FAM200B: variants seen among roughly 807,000 people sequenced by gnomAD.
FAM200B encodes the protein protein FAM200B.
Under a neutral mutation model 33.1 loss-of-function variants are expected in FAM200B, and 32 were observed. The observed-to-expected ratio is 0.97, with a 90% CI of 0.73 to 1.30. The LOEUF is 1.30. FAM200B is among the 50% of genes most tolerant of loss of function. The pLI is 0.00. For missense variants in FAM200B, 741 were observed against 754.0 expected (o/e 0.98, Z 0.20); for synonymous variants, 240 against 264.8 (o/e 0.91, Z 0.91).
the FAM200B span, chr4:15,640,895 A>T: frequency 6.7e-6 from 9 of 1,344,872 alleles, no homozygotes; most frequent in African/African-American, 1.2e-4. Context: ...TGGAAACCAA[A>T]AAAAAAATAC....
At chr4:15,646,550 T>A in the FAM200B span, among the ~76,000 whole-genome samples, 3 of 151,888 alleles carry the variant, frequency 2.0e-5, no homozygotes, top group African/African-American at 2.4e-5. Context: ...TATTTTTTAT[T>A]ATTATTATTA....
the FAM200B span, chr4:15,644,410 AT>A: frequency 1.8e-6 from 2 of 1,113,870 alleles, no homozygotes; most frequent in Non-Finnish European, 2.7e-6. Flanking sequence ...ATCATTTACT[AT>A]AAAACAGTGA....
At chr4:15,650,139 G>A in the FAM200B span, among the ~76,000 whole-genome samples, 1 of 152,154 alleles carries the variant, frequency 6.6e-6, no homozygotes, top group Non-Finnish European at 1.5e-5. Flanking sequence ...ATGTACTACT[G>A]ACACCTAGTG....
the FAM200B span, among the ~76,000 whole-genome samples, chr4:15,654,255 G>A: frequency 1.3e-5 from 2 of 152,186 alleles, no homozygotes; most frequent in Admixed American, 6.5e-5. Flanking sequence ...GCTTTATTTA[G>A]TTGGATCATT....
rs1306017465 is a variant in FAM200B at position 15,688,031 on chromosome 4, G to A, written c.1054G>A (p.Val352Ile). Reference sequence around the variant, plus strand: ...GGAGGTATTGAAAAATGCAGTGAAAGTTGTTAATTTTATTAAAGGAAGCTC... The same window carrying A: ...GGAGGTATTGAAAAATGCAGTGAAAATTGTTAATTTTATTAAAGGAAGCTC... Reference protein sequence around the residue: ...LMEVLKNAVKVVNFIKGSSLN... With the variant: ...LMEVLKNAVKIVNFIKGSSLN... Residue 352 changes from valine (V) to isoleucine (I), a missense_variant, in exon 2 of 2, where the codon GTT becomes ATT. Val to Ile is a conservative substitution (Grantham distance 29). Transcript: ENST00000422728. 1.3e-6 allele frequency: 2 copies of A among 1,551,102 alleles called. No individual in the cohort carries two copies. The highest frequency in any genetic ancestry group is 1.7e-6 in the Non-Finnish European group (2 of 1,146,644).
At chr4:15,674,908 C>CA in the FAM200B span, among the ~76,000 whole-genome samples, 1 of 152,146 alleles carries the variant, frequency 6.6e-6, no homozygotes, top group African/African-American at 2.4e-5. Context: ...CTCGGCCTCC[C>CA]AAAGTGCTGG....
chr4:15,664,657 A>C, the FAM200B span, among the ~76,000 whole-genome samples: 1 of 145,528 alleles, frequency 6.9e-6, no homozygotes, highest in Non-Finnish European at 1.5e-5. Context: ...TCCCGGGTTC[A>C]AGCAATTCTC....
At chr4:15,642,055 T>C in the FAM200B span, among the ~76,000 whole-genome samples, 3 of 151,654 alleles carry the variant, frequency 2.0e-5, no homozygotes, top group South Asian at 6.3e-4. Flanking sequence ...AATTATTTGA[T>C]GTAAGGTCAT....
upstream of FAM200B, among the ~76,000 whole-genome samples, chr4:15,679,528 T>C (rs1302913879): frequency 2.0e-5 from 3 of 146,896 alleles, no homozygotes; most frequent in Non-Finnish European, 4.5e-5. Flanking sequence ...CTTGAATCTA[T>C]CTAGAGAAAT....
chr4:15,648,308 T>G, the FAM200B span, among the ~76,000 whole-genome samples: 1 of 152,338 alleles, frequency 6.6e-6, no homozygotes, highest in Admixed American at 6.5e-5. Flanking sequence ...ACAGCCATTA[T>G]GGAAAACAGT....
At chr4:15,644,610 T>A in the FAM200B span, 7 of 1,614,164 alleles carry the variant, frequency 4.3e-6, no homozygotes, top group Non-Finnish European at 5.9e-6. Context: ...TGTATTCATT[T>A]TCAATCTGCT....
At position 15,686,758 on chromosome 4, in the gene FAM200B, G is replaced by A. The variant is rs558908957; in HGVS notation, c.-220G>A. The A allele has an allele frequency of 3.2e-5, 10 of 312,258 alleles. No individual in the cohort carries two copies. Among genetic ancestry groups the A allele is most frequent in the African/African-American group, 1.9e-4 (9 of 46,470 alleles). 19.3% of individuals were successfully genotyped at this position (312,258 alleles called of 1,614,324 possible). On this transcript the variant is annotated 5_prime_UTR_variant, in exon 2 of 2. Transcript: ENST00000422728. ...GGTTTTCAGTCATTGATTCCTGGGT[G>A]TCTTGCTTGATTTTCATAATAGCAC...
chr4:15,650,278 A>G, the FAM200B span, among the ~76,000 whole-genome samples: 3 of 152,244 alleles, frequency 2.0e-5, no homozygotes, highest in African/African-American at 7.2e-5. Flanking sequence ...ACTGTTTTTC[A>G]AATACTGTTA....
rs1719037474 is a variant in FAM200B at position 15,687,919 on chromosome 4, A to G, written c.942A>G (p.Leu314=). ...GKHSRVIKKL[L]EVTNNGAVWN... ...ATAGCAGAGTAATTAAAAAATTACT[A>G]GAAGTTACTAATAATGGTGCTGTGT... Residue 314 remains leucine (L), a synonymous_variant, in exon 2 of 2, where the codon CTA becomes CTG. Transcript: ENST00000422728. 6.5e-7 allele frequency: 1 copy of G among 1,550,222 alleles called. No individual in the cohort carries two copies. Among genetic ancestry groups the G allele is most frequent in the East Asian group, 2.4e-5 (1 of 40,872 alleles).
At chr4:15,654,857 G>A in the FAM200B span, among the ~76,000 whole-genome samples, 2 of 152,178 alleles carry the variant, frequency 1.3e-5, no homozygotes, top group South Asian at 2.1e-4. Context: ...AGGAGGTAGG[G>A]CCGCTCTCCT....
chr4:15,687,932 A>G lies in FAM200B; in HGVS notation c.955A>G (p.Asn319Asp). 1 of 1,550,988 alleles carries G rather than the reference A, an allele frequency of 6.4e-7. No homozygotes were observed. The highest frequency in any genetic ancestry group is 2.4e-5 in the East Asian group (1 of 40,884). Reference protein sequence around the residue: ...VIKKLLEVTNNGAVWNHCFIH... With the variant: ...VIKKLLEVTNDGAVWNHCFIH... ...TAAAAAATTACTAGAAGTTACTAAT[A>G]ATGGTGCTGTGTGGAATCATTGTTT... is the stretch of plus-strand genomic sequence containing the variant. Residue 319 changes from asparagine to aspartate, a missense_variant, in exon 2 of 2, where the codon AAT (asparagine) becomes GAT (aspartate). Transcript: ENST00000422728.
At chr4:15,650,661 CTTTTTTTTT>C in the FAM200B span, among the ~76,000 whole-genome samples, 146 of 77,926 alleles carry the variant, frequency 1.9e-3, 1 homozygote, top group Middle Eastern at 0.055. Flanking sequence ...AACTGACTTT[CTTTTTTTTT>C]TTTTTTTTTT....
At chr4:15,677,185 G>C (rs189587711), upstream of FAM200B, among the ~76,000 whole-genome samples, 1 of 152,050 alleles carries the variant, frequency 6.6e-6, no homozygotes, top group Non-Finnish European at 1.5e-5. Flanking sequence ...AACACAAGAG[G>C]CTTAAAAGAT....
At chr4:15,685,692 C>T (rs1718768903) in intron 1 of FAM200B, among the ~76,000 whole-genome samples, 1 of 151,946 alleles carries the variant, frequency 6.6e-6, no homozygotes, top group South Asian at 2.1e-4. Context: ...TACAAACAGT[C>T]ATAATAAAGA....
Sources: allele counts gnomAD v4.1 joint callset (sites outside exome capture counted in the v4.1 genomes callset), GRCh38; gene constraint gnomAD v4.1.1; transcripts MANE v1.5; gene names NCBI Gene and HGNC (gene_info 2026-07-23, HGNC 2026-07-21).